Variants in DPYSL2 observed in about 807,000 individuals in gnomAD.
DPYSL2 encodes dihydropyrimidinase like 2.
Under a neutral mutation model 69.9 loss-of-function variants are expected in DPYSL2, and 13 were observed. The observed-to-expected ratio is 0.19, with a 90% CI of 0.12 to 0.30. The LOEUF (loss-of-function observed/expected upper bound fraction) is 0.30. DPYSL2 is among the 10% of genes least tolerant of loss of function. DPYSL2 has a pLI of 1.00. For missense variants in DPYSL2, 587 were observed against 918.9 expected, an observed-to-expected ratio of 0.64 and a Z score of 4.67; for synonymous variants, 326 against 359.1, an observed-to-expected ratio of 0.91 and a Z score of 1.04.
In DPYSL2 at chr8:26,640,804, C is replaced by T. The variant is rs568058773; in HGVS notation, c.1127-2635C>T. Among the ~76,000 whole-genome samples the T allele has an allele frequency of 6.0e-4, 92 of 152,340 alleles. No individual in the cohort carries two copies. Among genetic ancestry groups the T allele is most frequent in the African/African-American group, 1.9e-3 (80 of 41,592 alleles). On this transcript the variant is annotated intron_variant, in intron 8 of 13. Coordinates refer to ENST00000521913, the MANE Select transcript of DPYSL2 (RefSeq NM_001197293.3). This position sits in a 1 kb window ranked among gnomAD's most constrained non-coding sequence, Gnocchi z 4.2. ...CCTCCCCTGGCATCCACTGCCCCTG[C>T]CCCTGAATGTCCCTATCTTTGCTTA...
intron 1 of DPYSL2, among the ~76,000 whole-genome samples, chr8:26,520,593 G>A (rs144908430): frequency 5.9e-5 from 9 of 151,576 alleles, no homozygotes; most frequent in African/African-American, 9.7e-5. Context: ...CACAAGAAAT[G>A]TCTTCAAATA....
At chr8:26,520,817 G>T (rs779483455) in intron 1 of DPYSL2, among the ~76,000 whole-genome samples, 8 of 152,172 alleles carry the variant, frequency 5.3e-5, no homozygotes, top group Non-Finnish European at 8.8e-5. Context: ...TATGCTGGCA[G>T]ATCTGGTGTC....
At chr8:26,567,171 TCCATCCATCCAC>T (rs1159897785) in intron 1 of DPYSL2, among the ~76,000 whole-genome samples, 2 of 146,698 alleles carry the variant, frequency 1.4e-5, no homozygotes, top group Non-Finnish European at 3.0e-5. Flanking sequence ...CATCCATCCA[TCCATCCATCCAC>T]CCATCCATCC....
At position 26,621,427 on chromosome 8, in the gene DPYSL2, C is replaced by T. The variant is rs1802479565; in HGVS notation, c.629-2716C>T. 6.6e-6 allele frequency among the ~76,000 whole-genome samples: 1 copy of T among 152,162 alleles called. No homozygotes were observed. The highest frequency in any genetic ancestry group is 6.5e-5 in the Admixed American group (1 of 15,282). ...GGTCTTTGCCGCAGCAAAAGCTGGT[C>T]CGGTTCCCAGGAGAGCCCCTCCTTT... On this transcript the variant is annotated intron_variant, in intron 3 of 13. Transcript: ENST00000521913. The surrounding 1 kb of genome is among the most constrained non-coding windows in gnomAD (Gnocchi z 4.9).
At chr8:26,595,401 C>T (rs898525169) in intron 3 of DPYSL2, among the ~76,000 whole-genome samples, 5 of 152,008 alleles carry the variant, frequency 3.3e-5, no homozygotes, top group African/African-American at 1.2e-4. Context: ...AGCAGTGTTC[C>T]CAGAAAACAG....
At chr8:26,577,738 G>GCGCTCGCGCCGC in intron 1 of DPYSL2, 1 of 913,628 alleles carries the variant, frequency 1.1e-6, no homozygotes, top group Non-Finnish European at 1.3e-6. Flanking sequence ...CCCAGCGCGG[G>GCGCTCGCGCCGC]CGCTCGCGCC....
At chr8:26,545,591 C>A (rs1423565437) in intron 1 of DPYSL2, among the ~76,000 whole-genome samples, 1 of 152,094 alleles carries the variant, frequency 6.6e-6, no homozygotes, top group Non-Finnish European at 1.5e-5. Context: ...CATGGTGAAA[C>A]CCCATCTCTA....
chr8:26,540,166 G>A (rs1800655972), intron 1 of DPYSL2, among the ~76,000 whole-genome samples: 1 of 152,056 alleles, frequency 6.6e-6, no homozygotes, highest in South Asian at 2.1e-4. Flanking sequence ...TCAACAAAGA[G>A]ATAAAATAAT....
At position 26,626,880 on chromosome 8, in the gene DPYSL2, C is replaced by G. The variant is rs943559555; in HGVS notation, c.855+202C>G. Among the ~76,000 whole-genome samples the G allele has an allele frequency of 6.6e-6, 1 of 152,194 alleles. No individual in the cohort carries two copies. The highest frequency in any genetic ancestry group is 1.9e-4 in the East Asian group (1 of 5,178). ...CCCCCAGCACTGCCACTCCGCCGCC[C>G]TGGATCTGAGGCTCTGCCCCGCACG... On this transcript the variant is annotated intron_variant, in intron 5 of 13. Transcript: ENST00000521913. This position sits in a 1 kb window ranked among gnomAD's most constrained non-coding sequence, Gnocchi z 4.3.
At position 26,657,720 on chromosome 8, in the gene DPYSL2, T is replaced by C. The variant is rs1803425195; in HGVS notation, c.*2014T>C. 6.6e-6 allele frequency: 1 copy of C among 152,664 alleles called. No homozygotes were observed. The highest frequency in any genetic ancestry group is 6.5e-5 in the Admixed American group (1 of 15,284). The allele number at this position is 152,664 out of a possible 1,614,324, so 9.5% of individuals were successfully genotyped here. Reference sequence around the variant, plus strand: ...GCTCTAGTATTCACTTGAGTCTTCCTGTTTTTCCTGTACCGGGTCATGGTA... The same window carrying C: ...GCTCTAGTATTCACTTGAGTCTTCCCGTTTTTCCTGTACCGGGTCATGGTA... On this transcript the variant is annotated 3_prime_UTR_variant, in exon 14 of 14. Transcript: ENST00000521913.
intron 3 of DPYSL2, among the ~76,000 whole-genome samples, chr8:26,611,249 G>A (rs1802221319): frequency 2.0e-5 from 3 of 152,194 alleles, no homozygotes; most frequent in African/African-American, 4.8e-5. Flanking sequence ...GGACAGTTAC[G>A]GAATCACTGG....
intron 1 of DPYSL2, among the ~76,000 whole-genome samples, chr8:26,535,179 C>T (rs948906016): frequency 6.6e-6 from 1 of 152,176 alleles, no homozygotes; most frequent in Admixed American, 6.6e-5. Flanking sequence ...AGACTTTGTA[C>T]TTCTTTTCTC....
intron 1 of DPYSL2, among the ~76,000 whole-genome samples, chr8:26,569,174 T>G (rs1801196748): frequency 6.6e-6 from 1 of 151,686 alleles, no homozygotes; most frequent in Admixed American, 6.6e-5. Context: ...TTGGGCAACA[T>G]AGCAAGACCC....
chr8:26,569,365 C>CAAAAAAAAAAAA (rs1261164777), intron 1 of DPYSL2, among the ~76,000 whole-genome samples: 1 of 88,794 alleles, frequency 1.1e-5, no homozygotes, highest in Non-Finnish European at 2.0e-5. Flanking sequence ...AAAAAAAAAA[C>CAAAAAAAAAAAA]AAAAACAAAA....
At chr8:26,553,397 G>A (rs1800899566) in intron 1 of DPYSL2, among the ~76,000 whole-genome samples, 1 of 151,876 alleles carries the variant, frequency 6.6e-6, no homozygotes, top group Admixed American at 6.6e-5. Flanking sequence ...TCCTTAAGTA[G>A]GCCACAGTGT....
At chr8:26,561,361 T>C (rs1801067439) in intron 1 of DPYSL2, among the ~76,000 whole-genome samples, 2 of 152,196 alleles carry the variant, frequency 1.3e-5, no homozygotes, top group South Asian at 4.1e-4. Context: ...CCTCAGCTGG[T>C]GTCGTAGAAT....
In DPYSL2 at chr8:26,624,910, C is replaced by A. The variant is rs1802581469; in HGVS notation, c.793+603C>A. Among the ~76,000 whole-genome samples, 1 of 152,116 alleles carries A rather than the reference C, an allele frequency of 6.6e-6. No homozygotes were observed. The highest frequency in any genetic ancestry group is 2.4e-5 in the African/African-American group (1 of 41,412). On this transcript the variant is annotated intron_variant, in intron 4 of 13. Coordinates refer to ENST00000521913, the MANE Select transcript of DPYSL2 (RefSeq NM_001197293.3). The surrounding 1 kb of genome is among the most constrained non-coding windows in gnomAD (Gnocchi z 4.7). ...CCTCTGGGACTCTTGTCAACAAGAACCTCGGGGGTTTGCGGGGAAGAGCCA... is the reference window on the plus strand; with the variant it reads ...CCTCTGGGACTCTTGTCAACAAGAAACTCGGGGGTTTGCGGGGAAGAGCCA...
chr8:26,637,607 C>T (rs909423345), intron 8 of DPYSL2: 1 of 152,130 alleles, frequency 6.6e-6, no homozygotes, highest in Non-Finnish European at 1.5e-5. Flanking sequence ...GGCCTGACAC[C>T]CAGCAGAGAT....
intron 1 of DPYSL2, among the ~76,000 whole-genome samples, chr8:26,522,171 G>A (rs1207561713): frequency 6.6e-6 from 1 of 152,118 alleles, no homozygotes; most frequent in African/African-American, 2.4e-5. Context: ...AGCCGGGCAC[G>A]GTGGCACACA....
Sources: gnomAD v4.1 joint callset for allele counts (sites outside exome capture counted in the v4.1 genomes callset) on GRCh38, gnomAD v4.1.1 for gene constraint, Gnocchi (gnomAD v3.1) non-coding constraint, MANE v1.5 for transcripts, NCBI Gene and HGNC (gene_info 2026-07-23, HGNC 2026-07-21) for gene names.